PTDSS1: variants seen among roughly 807,000 people sequenced by gnomAD.
PTDSS1 encodes the protein PSS-1.
PTDSS1 carries 45 observed loss-of-function variants against 70.5 expected under a neutral mutation model. The ratio of observed to expected loss-of-function variants is 0.64; its 90% CI spans 0.50 to 0.82. PTDSS1 has a LOEUF of 0.82. PTDSS1 is among the 40% of genes least tolerant of loss of function. The probability of loss-of-function intolerance (pLI) is 0.00; values close to 1 mark genes in which losing one functional copy is unlikely to be tolerated. For synonymous variants in PTDSS1, 188 were observed against 203.8 expected (o/e 0.92, Z 0.66); for missense variants, 417 against 586.1 (o/e 0.71, Z 2.98).
intron 2 of PTDSS1, among the ~76,000 whole-genome samples, chr8:96,280,686 A>G (rs552899788): frequency 6.6e-6 from 1 of 152,348 alleles, no homozygotes; most frequent in South Asian, 2.1e-4. Flanking sequence ...TTGCTGCACC[A>G]CTGCCCTAAG....
chr8:96,323,225 A>G (rs1811396144), intron 10 of PTDSS1, among the ~76,000 whole-genome samples: 1 of 152,126 alleles, frequency 6.6e-6, no homozygotes, highest in Non-Finnish European at 1.5e-5. Flanking sequence ...CGGGAGTTGC[A>G]CACTGGCAAC....
chr8:96,294,833 G>T (rs1343927837), intron 4 of PTDSS1, among the ~76,000 whole-genome samples: 11 of 152,098 alleles, frequency 7.2e-5, no homozygotes, highest in African/African-American at 2.7e-4. Context: ...ACTTCTTTAG[G>T]ATATGTTGAG....
rs1301018271 is a variant in PTDSS1, at chr8:96,262,387, G to A, written c.179+168G>A. 6.6e-6 allele frequency among the ~76,000 whole-genome samples: 1 copy of A among 152,152 alleles called. No individual in the cohort carries two copies. The highest frequency in any genetic ancestry group is 1.5e-5 in the Non-Finnish European group (1 of 68,022). ...CCCACGCGGCCCCTCCGCCCGCCCG[G>A]TGTCTCACAGTACGCTAGCCTGCTC... On this transcript the variant is annotated intron_variant, in intron 1 of 12. Coordinates refer to ENST00000517309, the MANE Select transcript of PTDSS1 (RefSeq NM_014754.3). This position sits in a 1 kb window ranked among gnomAD's most constrained non-coding sequence, Gnocchi z 4.4.
intron 1 of PTDSS1, among the ~76,000 whole-genome samples, chr8:96,270,680 C>A (rs938775380): frequency 3.9e-5 from 6 of 152,184 alleles, no homozygotes; most frequent in African/African-American, 1.4e-4. Flanking sequence ...TTGATCTTCC[C>A]ATACTGCATA....
At chr8:96,325,117 G>C (rs1811421276) in intron 10 of PTDSS1, among the ~76,000 whole-genome samples, 1 of 152,146 alleles carries the variant, frequency 6.6e-6, no homozygotes, top group African/African-American at 2.4e-5. Context: ...TTCCACATTT[G>C]ATCTTCACAC....
intron 9 of PTDSS1, among the ~76,000 whole-genome samples, chr8:96,314,737 C>G (rs1811260968): frequency 6.6e-6 from 1 of 152,138 alleles, no homozygotes; most frequent in Non-Finnish European, 1.5e-5. Flanking sequence ...GCTGGGACTA[C>G]AGGTGCCCGT....
rs543571934 is a variant in PTDSS1 at position 96,261,954 on chromosome 8, A to C, written c.-87A>C. The C allele has an allele frequency of 8.7e-6, 12 of 1,383,782 alleles. No individual in the cohort carries two copies. The highest frequency in any genetic ancestry group is 1.2e-5 in the Non-Finnish European group (12 of 1,018,896). 85.7% of individuals were successfully genotyped at this position (1,383,782 alleles called of 1,614,324 possible). ...CCAGACCCGGCTTTGCCGTCCGGCT[A>C]TTAGCCTACTGTGGCTAGTCACCCC... On this transcript the variant is annotated 5_prime_UTR_variant, in exon 1 of 13. Transcript: ENST00000517309.
chr8:96,320,589 C>T (rs1327480702), intron 10 of PTDSS1, among the ~76,000 whole-genome samples: 5 of 152,188 alleles, frequency 3.3e-5, no homozygotes, highest in Non-Finnish European at 4.4e-5. Flanking sequence ...GTACACCCCA[C>T]GTGCATTTCC....
chr8:96,282,360 C>A (rs891800940), intron 2 of PTDSS1, among the ~76,000 whole-genome samples: 1 of 152,158 alleles, frequency 6.6e-6, no homozygotes, highest in South Asian at 2.1e-4. Context: ...TGGTTTATAA[C>A]CTTCACTGTG....
chr8:96,300,369 C>T (rs115233029), intron 6 of PTDSS1, among the ~76,000 whole-genome samples: 1,664 of 152,230 alleles, frequency 0.011, 36 homozygotes, highest in African/African-American at 0.038. Context: ...TTTGTGCACA[C>T]GCTCCCCTCT....
At chr8:96,331,153 T>C in intron 12 of PTDSS1, 58 bp downstream of exon 12, 1 of 1,473,158 alleles carries the variant, frequency 6.8e-7, no homozygotes, top group East Asian at 2.3e-5. Context: ...TGTGGAATTA[T>C]TACCTATTCT....
chr8:96,300,707 A>G (rs755186136), intron 6 of PTDSS1, among the ~76,000 whole-genome samples: 12 of 152,252 alleles, frequency 7.9e-5, no homozygotes, highest in Non-Finnish European at 1.5e-4. Flanking sequence ...ATATTCTTCT[A>G]AAACATGATT....
intron 6 of PTDSS1, among the ~76,000 whole-genome samples, chr8:96,301,615 G>GTTCAAGCGATTT: frequency 6.6e-6 from 1 of 151,846 alleles, no homozygotes; most frequent in Admixed American, 6.6e-5. Flanking sequence ...CGCCTCCCAG[G>GTTCAAGCGATTT]TTCAAGCGAT....
intron 9 of PTDSS1, among the ~76,000 whole-genome samples, chr8:96,310,457 C>T (rs1342421982): frequency 2.6e-5 from 4 of 151,572 alleles, no homozygotes; most frequent in African/African-American, 9.7e-5. Flanking sequence ...CCACCGCACC[C>T]GGCCTTGGCT....
At chr8:96,323,410 G>A (rs1811398939) in intron 10 of PTDSS1, among the ~76,000 whole-genome samples, 1 of 152,216 alleles carries the variant, frequency 6.6e-6, no homozygotes, top group Non-Finnish European at 1.5e-5. Flanking sequence ...TGAAATCTAG[G>A]TGGAGGAAGC....
chr8:96,269,668 A>C (rs1391263266), intron 1 of PTDSS1, among the ~76,000 whole-genome samples: 1 of 152,172 alleles, frequency 6.6e-6, no homozygotes, highest in African/African-American at 2.4e-5. Flanking sequence ...CCAAGGGGCC[A>C]ATCACAGGTG....
At chr8:96,280,709 A>G (rs1179956676) in intron 2 of PTDSS1, among the ~76,000 whole-genome samples, 2 of 152,230 alleles carry the variant, frequency 1.3e-5, no homozygotes, top group East Asian at 3.8e-4. Context: ...GTCTTCCCCA[A>G]TTCTCCAACA....
intron 10 of PTDSS1, among the ~76,000 whole-genome samples, chr8:96,328,714 C>A (rs113743224): frequency 8.5e-5 from 13 of 152,280 alleles, no homozygotes; most frequent in African/African-American, 3.1e-4. Flanking sequence ...GTGTATCCAG[C>A]AGCTGCCAGG....
chr8:96,330,250 G>C lies in PTDSS1; in HGVS notation c.1211G>C (p.Trp404Ser), dbSNP rs1166617323. The C allele has an allele frequency of 5.0e-6, 8 of 1,612,740 alleles. No individual in the cohort carries two copies. The highest frequency in any genetic ancestry group is 6.8e-6 in the Non-Finnish European group (8 of 1,179,188). The change falls in exon 11 of 13, where the codon TGG (tryptophan) becomes TCG (serine). Residue 404 changes from tryptophan to serine, a missense_variant. Physicochemically the swap from Trp to Ser is radical, Grantham distance 177 (BLOSUM62 -3). Around this residue, in one of 3 missense-constraint regions of PTDSS1, gnomAD observed 107 missense variants for 122.3 expected, o/e 0.88. Coordinates refer to ENST00000517309, the MANE Select transcript of PTDSS1 (RefSeq NM_014754.3). ...TTFLCLYGMI[W>S]YAEHYGHREK... ...TTCCTCTGTCTGTACGGCATGATTT[G>C]GTATGCAGAACACTATGGTCACCGA...
Sources: allele counts gnomAD v4.1 joint callset (sites outside exome capture counted in the v4.1 genomes callset), GRCh38; gene constraint gnomAD v4.1.1; regional missense constraint gnomAD v4.1.1; non-coding constraint Gnocchi (gnomAD v3.1); transcripts MANE v1.5; gene names NCBI Gene and HGNC (gene_info 2026-07-23, HGNC 2026-07-21).